The following SCAF11 variants were observed in gnomAD, a reference collection of about 807,000 sequenced individuals.
SCAF11 encodes the protein protein SCAF11.
SCAF11 carries 47 observed loss-of-function variants against 140.5 expected under a neutral mutation model. The observed-to-expected ratio is 0.33, with a 90% CI of 0.26 to 0.43. SCAF11 has a LOEUF of 0.43. Among genes scored for constraint, SCAF11 ranks in the 20% least tolerant of loss-of-function variants. The pLI is 1.00. For synonymous variants in SCAF11, 557 were observed against 579.4 expected (o/e 0.96, Z 0.55); for missense variants, 1,645 against 1,705.1 (o/e 0.96, Z 0.62).
intron 4 of SCAF11, among the ~76,000 whole-genome samples, chr12:45,949,642 A>G (rs570227495): frequency 2.3e-4 from 35 of 152,266 alleles, no homozygotes; most frequent in African/African-American, 8.4e-4. Flanking sequence ...GAAAACTGGA[A>G]AAGTCCCAGA....
intron 1 of SCAF11, among the ~76,000 whole-genome samples, chr12:45,985,521 G>C (rs1946442221): frequency 2.0e-5 from 3 of 152,034 alleles, no homozygotes; most frequent in Admixed American, 6.6e-5. Context: ...AAGTCAGATG[G>C]ACCCAGCTAT....
intron 3 of SCAF11, among the ~76,000 whole-genome samples, chr12:45,958,944 T>G (rs2136604240): frequency 6.6e-6 from 1 of 152,330 alleles, no homozygotes; most frequent in South Asian, 2.1e-4. Context: ...AAACACCAGT[T>G]TCTTACAGAC....
chr12:45,924,829 G>C lies in SCAF11; in HGVS notation c.3805C>G (p.Pro1269Ala), dbSNP rs142888739. The C allele has an allele frequency of 6.2e-7, 1 of 1,613,950 alleles. No individual in the cohort carries two copies. The highest frequency in any genetic ancestry group is 1.3e-5 in the African/African-American group (1 of 74,914). The change falls in exon 12 of 15, where the codon CCT becomes GCT. Residue 1269 changes from proline to alanine, a missense_variant. Transcript: ENST00000369367. The part of the protein sequence containing the change: ...TGVPLMQVAT[P>A]TSVSQGLPPP... Reference sequence around the variant, plus strand: ...GGTAGTCCCTGAGATACACTGGTAGGAGTGGCTACCTGCATGAGGGGCACT... The same window carrying C: ...GGTAGTCCCTGAGATACACTGGTAGCAGTGGCTACCTGCATGAGGGGCACT...
intron 10 of SCAF11, chr12:45,931,224 T>A (rs892810844): frequency 3.3e-5 from 6 of 179,548 alleles, no homozygotes; most frequent in African/African-American, 1.4e-4. Context: ...TTCATCCACG[T>A]TGGCACAAAC....
upstream of SCAF11, chr12:45,990,697 T>G (rs1174789881): frequency 1.2e-5 from 9 of 773,106 alleles, no homozygotes; most frequent in Non-Finnish European, 5.2e-6. Context: ...CTCGCCACAT[T>G]CTGCTTACTC....
rs139620500 is a variant in SCAF11 at position 45,983,480 on chromosome 12, C to T, written c.-22+6873G>A. ...ATCCTCAAAATACCAGAACACGATA[C>T]ATTTAAAAAATTAAAACACCGTCAA... On this transcript the variant is annotated intron_variant, in intron 1 of 14. Transcript: ENST00000369367. 3.0e-3 allele frequency among the ~76,000 whole-genome samples: 451 copies of T among 152,160 alleles called. 1 individual carries two copies. The highest frequency in any genetic ancestry group is 5.6e-3 in the South Asian group (27 of 4,826).
At chr12:45,945,183 G>A (rs1945391473) in intron 6 of SCAF11, 66 bp downstream of exon 6, 1 of 929,330 alleles carries the variant, frequency 1.1e-6, no homozygotes, top group Non-Finnish European at 1.7e-6. Flanking sequence ...TGAGAACTCT[G>A]ACACAACCAT....
chr12:45,972,474 A>T (rs956823460), intron 1 of SCAF11, among the ~76,000 whole-genome samples: 2 of 151,832 alleles, frequency 1.3e-5, no homozygotes, highest in African/African-American at 4.8e-5. Flanking sequence ...AGTCCCAGCT[A>T]ATCAGGTGAC....
At position 45,973,005 on chromosome 12, in the gene SCAF11, TATATATAGATATATAG is replaced by T. The variant is rs558361498; in HGVS notation, c.-21-8833_-21-8818del. Among the ~76,000 whole-genome samples, 287 of 144,396 alleles carry T rather than the reference TATATATAGATATATAG, an allele frequency of 2.0e-3. 12 individuals are homozygous for T. The South Asian group carries it at 0.059, about 30-fold the overall frequency. 94.7% of individuals were successfully genotyped at this position (144,396 alleles called of 152,430 possible). ...ATATATAGATATAGATATATAGATA[TATATATAGATATATAG>T]ATATATAGATATAGATATATAGATA... On this transcript the variant is annotated intron_variant, in intron 1 of 14. Transcript: ENST00000369367.
chr12:45,951,021 T>C (rs529387396), intron 4 of SCAF11, among the ~76,000 whole-genome samples: 1 of 152,300 alleles, frequency 6.6e-6, no homozygotes, highest in South Asian at 2.1e-4. Context: ...TTCTCTTTTC[T>C]TCTTACTCAA....
chr12:45,978,617 A>T (rs1168065158), intron 1 of SCAF11, among the ~76,000 whole-genome samples: 1 of 152,184 alleles, frequency 6.6e-6, no homozygotes, highest in Non-Finnish European at 1.5e-5. Flanking sequence ...AGAATAACAA[A>T]GAGAAGAAAG....
At position 45,946,686 on chromosome 12, in the gene SCAF11, T is replaced by G. The variant is rs757809416; in HGVS notation, c.399-1373A>C. 2.0e-5 allele frequency among the ~76,000 whole-genome samples: 3 copies of G among 152,290 alleles called. No individual in the cohort carries two copies. In the South Asian group the frequency reaches 6.2e-4, roughly 32 times the overall value. ...TATGATACTGTCACAGCCAGTGATA[T>G]GAGTTGTATCAAGAATTAAAAGTAT... is the stretch of plus-strand genomic sequence containing the variant. On this transcript the variant is annotated intron_variant, in intron 5 of 14. Coordinates refer to ENST00000369367, the MANE Select transcript of SCAF11 (RefSeq NM_004719.3).
chr12:45,922,509 A>G lies in SCAF11; in HGVS notation c.4199T>C (p.Ile1400Thr), dbSNP rs1441723472. 3.1e-6 allele frequency: 5 copies of G among 1,600,158 alleles called. No homozygotes were observed. The highest frequency in any genetic ancestry group is 1.7e-6 in the Non-Finnish European group (2 of 1,177,332). ...AIKPFYQNKD[I>T]TKEEYKEIVR... ...AATTTCTTTATATTCTTCCTTGGTG[A>G]TATCTTTATTTTGGTAAAATGGCTT... Residue 1400 changes from isoleucine (I) to threonine (T), a missense_variant, in exon 14 of 15, where the codon ATC becomes ACC. Ile to Thr is a moderately conservative substitution (Grantham distance 89, BLOSUM62 -1). This residue lies in a region of SCAF11 where 63 missense variants were observed against 95.9 expected (regional missense o/e 0.66). Transcript: ENST00000369367.
intron 5 of SCAF11, among the ~76,000 whole-genome samples, chr12:45,948,020 A>T (rs1945465601): frequency 6.6e-6 from 1 of 152,192 alleles, no homozygotes; most frequent in Non-Finnish European, 1.5e-5. Context: ...ATTTTACAAA[A>T]GGTTTGGTCT....
Position 45,972,848 on chromosome 12 carries a change from G to GTA in SCAF11, c.-21-8662_-21-8661dup, listed in dbSNP as rs764670631. Among the ~76,000 whole-genome samples the GTA allele has an allele frequency of 3.9e-3, 497 of 126,644 alleles. 15 individuals carry two copies. In the East Asian group the frequency reaches 0.065, roughly 17 times the overall value. The allele number at this position is 126,644 out of a possible 152,430, so 83.1% of individuals were successfully genotyped here. On this transcript the variant is annotated intron_variant, in intron 1 of 14. Coordinates refer to ENST00000369367, the MANE Select transcript of SCAF11 (RefSeq NM_004719.3). ...ACAAGCAGACAAAGATTTAAAGCCA[G>GTA]TATATATATATATATCGATATATAT...
intron 3 of SCAF11, among the ~76,000 whole-genome samples, chr12:45,956,933 A>C (rs1945703332): frequency 1.3e-5 from 2 of 152,164 alleles, no homozygotes; most frequent in Non-Finnish European, 2.9e-5. Context: ...CTACTAAAAA[A>C]TTTCCCAAAG....
intron 5 of SCAF11, among the ~76,000 whole-genome samples, chr12:45,947,682 T>G (rs138922012): frequency 1.3e-5 from 2 of 152,250 alleles, no homozygotes; most frequent in African/African-American, 4.8e-5. Context: ...ATTCAGAATT[T>G]TGGTTTGTTT....
intron 4 of SCAF11, among the ~76,000 whole-genome samples, chr12:45,948,911 A>C (rs1468465168): frequency 1.3e-5 from 2 of 152,192 alleles, no homozygotes; most frequent in African/African-American, 4.8e-5. Flanking sequence ...AAAATATTCT[A>C]GGTGGAGGAA....
intron 1 of SCAF11, among the ~76,000 whole-genome samples, chr12:45,989,822 G>A (rs1448154285): frequency 3.3e-5 from 5 of 149,652 alleles, no homozygotes; most frequent in African/African-American, 1.3e-4. Flanking sequence ...TCACGGCGTA[G>A]TAAAGTTTGG....
Sources: gnomAD v4.1 joint callset for allele counts (sites outside exome capture counted in the v4.1 genomes callset) on GRCh38, gnomAD v4.1.1 for gene constraint, gnomAD v4.1.1 regional missense constraint, MANE v1.5 for transcripts, NCBI Gene and HGNC (gene_info 2026-07-23, HGNC 2026-07-21) for gene names.